Variants in HS3ST5 observed in about 807,000 individuals in gnomAD.
HS3ST5 encodes the protein heparan sulfate-glucosamine 3-sulfotransferase 5.
In HS3ST5, 10 loss-of-function variants were observed where a neutral mutation model predicts 25.4. That is an observed-to-expected ratio of 0.39 (90% CI 0.24 to 0.67). The LOEUF (loss-of-function observed/expected upper bound fraction) is 0.67. Ranked by LOEUF, HS3ST5 falls within the 30% of genes least tolerant of loss-of-function variation. The pLI is 0.44. For missense variants in HS3ST5, 324 were observed against 420.7 expected (o/e 0.77, Z 2.01); for synonymous variants, 170 against 162.4 (o/e 1.05, Z -0.36).
rs138711720 is a variant in HS3ST5 at position 114,139,632 on chromosome 6, C to A, written c.-33+28719G>T. On this transcript the variant is annotated intron_variant, in intron 3 of 4. Transcript: ENST00000312719. Reference sequence around the variant, plus strand: ...TCCCCTATTACTTATTTAATACATGCTAGATTCCCAACTCTGTGCTAGGTT... The same window carrying A: ...TCCCCTATTACTTATTTAATACATGATAGATTCCCAACTCTGTGCTAGGTT... 4.2e-3 allele frequency among the ~76,000 whole-genome samples: 632 copies of A among 152,270 alleles called. 4 individuals carry two copies. The highest frequency in any genetic ancestry group is 0.014 in the African/African-American group (599 of 41,564).
chr6:114,298,572 T>TA (rs553480674), intron 1 of HS3ST5, among the ~76,000 whole-genome samples: 16 of 152,340 alleles, frequency 1.1e-4, no homozygotes, highest in Non-Finnish European at 2.4e-4. Flanking sequence ...GGCCAAGTGT[T>TA]AGAGTCAGGA....
At chr6:114,102,797 G>T (rs1032688757) in intron 3 of HS3ST5, among the ~76,000 whole-genome samples, 2 of 152,086 alleles carry the variant, frequency 1.3e-5, no homozygotes, top group Non-Finnish European at 2.9e-5. Flanking sequence ...TTTTAAGCAC[G>T]CATTACAGAA....
At chr6:114,272,184 A>G (rs1352336885) in intron 1 of HS3ST5, among the ~76,000 whole-genome samples, 1 of 152,032 alleles carries the variant, frequency 6.6e-6, no homozygotes, top group Non-Finnish European at 1.5e-5. Flanking sequence ...ACATTTTCCT[A>G]TGTCTTTACA....
rs1582609386 is a variant in HS3ST5 at position 114,108,606 on chromosome 6, T to A, written c.-32-45729A>T. ...CGACAAAGCTCAACATGCTGACAGC[T>A]CCAAAGGGAAAATATTTAAAGGACC... On this transcript the variant is annotated intron_variant, in intron 3 of 4. Transcript: ENST00000312719. Among the ~76,000 whole-genome samples, 7 of 151,818 alleles carry A rather than the reference T, an allele frequency of 4.6e-5. No individual in the cohort carries two copies. In the East Asian group the frequency reaches 1.4e-3, roughly 29 times the overall value.
At chr6:114,064,287 ATT>A (rs1773323182) in intron 3 of HS3ST5, among the ~76,000 whole-genome samples, 2 of 152,318 alleles carry the variant, frequency 1.3e-5, no homozygotes, top group African/African-American at 4.8e-5. Flanking sequence ...TTCCCAAAGC[ATT>A]TTCAACTATT....
intron 3 of HS3ST5, among the ~76,000 whole-genome samples, chr6:114,115,960 TCTCATTAA>T (rs1776506510): frequency 6.6e-6 from 1 of 152,142 alleles, no homozygotes; most frequent in African/African-American, 2.4e-5. Context: ...GCCCTATAAT[TCTCATTAA>T]CAATGAGCAG....
intron 3 of HS3ST5, among the ~76,000 whole-genome samples, chr6:114,087,025 T>C (rs946671301): frequency 1.1e-4 from 17 of 152,320 alleles, no homozygotes; most frequent in Admixed American, 9.8e-4. Context: ...CTCTGTCTTT[T>C]CTCAGGTTAA....
chr6:114,339,920 T>C (rs1776755531), intron 1 of HS3ST5, among the ~76,000 whole-genome samples: 1 of 152,238 alleles, frequency 6.6e-6, no homozygotes, highest in Admixed American at 6.5e-5. Context: ...AGTAAGCCAC[T>C]GCTCTACAGT....
intron 3 of HS3ST5, among the ~76,000 whole-genome samples, chr6:114,166,551 A>C (rs1213770268): frequency 2.0e-5 from 3 of 152,200 alleles, no homozygotes; most frequent in Non-Finnish European, 2.9e-5. Flanking sequence ...ATATTCCACC[A>C]AATCCTAAAA....
chr6:114,168,564 G>A (rs1779324840), intron 2 of HS3ST5, 102 bp from the exon 3 acceptor site: 1 of 152,188 alleles, frequency 6.6e-6, no homozygotes, highest in African/African-American at 2.4e-5. Context: ...CTGTTGGAAG[G>A]AGAAGTATAT....
chr6:114,197,421 A>G (rs1780816108), intron 2 of HS3ST5, among the ~76,000 whole-genome samples: 2 of 152,088 alleles, frequency 1.3e-5, no homozygotes, highest in Admixed American at 1.3e-4. Context: ...TTTATCCTCC[A>G]GTTGAATTTT....
At chr6:114,096,921 T>C (rs1360877070) in intron 3 of HS3ST5, among the ~76,000 whole-genome samples, 1 of 152,084 alleles carries the variant, frequency 6.6e-6, no homozygotes, top group Non-Finnish European at 1.5e-5. Context: ...TTTAAGGTTT[T>C]CTAGTGTTAA....
chr6:114,167,976 G>A (rs1375048895), intron 3 of HS3ST5, among the ~76,000 whole-genome samples: 2 of 152,084 alleles, frequency 1.3e-5, no homozygotes, highest in African/African-American at 2.4e-5. Flanking sequence ...AATAGGAACA[G>A]CAAAGACAAA....
chr6:114,308,794 G>A (rs1775411372), intron 1 of HS3ST5, among the ~76,000 whole-genome samples: 1 of 152,078 alleles, frequency 6.6e-6, no homozygotes, highest in African/African-American at 2.4e-5. Flanking sequence ...GATCAGTAAG[G>A]TGATTCTCTT....
intron 3 of HS3ST5, among the ~76,000 whole-genome samples, chr6:114,082,074 C>T (rs1452842160): frequency 2.6e-5 from 4 of 152,194 alleles, no homozygotes; most frequent in South Asian, 4.1e-4. Context: ...CGCACTATTC[C>T]TTCTTGCATC....
chr6:114,229,337 G>A (rs1771466022), intron 1 of HS3ST5, among the ~76,000 whole-genome samples: 1 of 152,152 alleles, frequency 6.6e-6, no homozygotes, highest in African/African-American at 2.4e-5. Context: ...GCAGAAGTTG[G>A]TAGTGGCTGA....
rs1232231789 is a variant in HS3ST5 at position 114,094,218 on chromosome 6, T to TA, written c.-32-31342dup. On this transcript the variant is annotated intron_variant, in intron 3 of 4. Coordinates refer to ENST00000312719, the MANE Select transcript of HS3ST5 (RefSeq NM_153612.4). ...GCCATTTTAGGACTGCCCTAGTTTTTAAAAAATCTTGACTTATTTGGGGGA... is the reference window on the plus strand; with the variant it reads ...GCCATTTTAGGACTGCCCTAGTTTTTAAAAAAATCTTGACTTATTTGGGGGA... Among the ~76,000 whole-genome samples, 4 of 152,328 alleles carry TA rather than the reference T, an allele frequency of 2.6e-5. No homozygotes were observed. In the East Asian group the frequency reaches 7.7e-4, roughly 29 times the overall value.
At chr6:114,060,559 T>C (rs894675014) in intron 4 of HS3ST5, among the ~76,000 whole-genome samples, 2 of 152,236 alleles carry the variant, frequency 1.3e-5, no homozygotes, top group African/African-American at 2.4e-5. Context: ...CATCCATTGA[T>C]GGATTTCTGT....
At chr6:114,155,949 T>C (rs1778678201) in intron 3 of HS3ST5, among the ~76,000 whole-genome samples, 1 of 152,202 alleles carries the variant, frequency 6.6e-6, no homozygotes, top group African/African-American at 2.4e-5. Flanking sequence ...GGGTGGACCA[T>C]ACTGTAAGTA....
Sources: gnomAD v4.1 joint callset for allele counts (sites outside exome capture counted in the v4.1 genomes callset) on GRCh38, gnomAD v4.1.1 for gene constraint, MANE v1.5 for transcripts, NCBI Gene and HGNC (gene_info 2026-07-23, HGNC 2026-07-21) for gene names.